Variants in ZNF713 observed in about 807,000 individuals in gnomAD.
The protein encoded by ZNF713 is zinc finger protein 713.
In ZNF713, 21 loss-of-function variants were observed where a neutral mutation model predicts 28.7. The ratio of observed to expected loss-of-function variants is 0.73; its 90% CI spans 0.52 to 1.05. The LOEUF (loss-of-function observed/expected upper bound fraction) is 1.05. Ranked by LOEUF, ZNF713 falls within the 50% of genes least tolerant of loss-of-function variation. The pLI is 0.00. For missense variants in ZNF713, 458 were observed against 532.4 expected, an observed-to-expected ratio of 0.86 and a Z score of 1.37; for synonymous variants, 167 against 178.0, an observed-to-expected ratio of 0.94 and a Z score of 0.49.
In ZNF713 at chr7:55,940,114, C is replaced by A; in HGVS notation, c.*108C>A. The A allele has an allele frequency of 6.9e-7, 1 of 1,448,298 alleles. No homozygotes were observed. The highest frequency in any genetic ancestry group is 9.0e-7 in the Non-Finnish European group (1 of 1,106,724). The allele number at this position is 1,448,298 out of a possible 1,614,324, so 89.7% of individuals were successfully genotyped here. The stretch of plus-strand genomic sequence containing the variant: ...ATTCATAGTGGAGAGAAAGCTTATA[C>A]ATAAATTTTTGTTTTGTTTTGTTTT... On this transcript the variant is annotated 3_prime_UTR_variant, in exon 7 of 7. Coordinates refer to ENST00000429591, the MANE Select transcript of ZNF713 (RefSeq NM_182633.3).
Position 55,912,632 on chromosome 7 carries a change from T to C in ZNF713, c.-2-3T>C. ...ATTAACAAGATGCTTCTCTTTTTCC[T>C]AGTTATGCCTTCTCAGAATGCTGTT... is the stretch of plus-strand genomic sequence containing the variant. On this transcript the variant is annotated splice_region_variant and splice_polypyrimidine_tract_variant and intron_variant, in intron 3 of 6. Coordinates refer to ENST00000429591, the MANE Select transcript of ZNF713 (RefSeq NM_182633.3). 1 of 1,604,676 alleles carries C rather than the reference T, an allele frequency of 6.2e-7. No homozygotes were observed. Among genetic ancestry groups the C allele is most frequent in the Non-Finnish European group, 8.5e-7 (1 of 1,173,792 alleles).
chr7:55,922,557 A>G (rs1384321355), intron 4 of ZNF713, among the ~76,000 whole-genome samples: 2 of 151,532 alleles, frequency 1.3e-5, no homozygotes, highest in Non-Finnish European at 2.9e-5. Context: ...AAAAAAAAGA[A>G]GTTGCCACAG....
At chr7:55,913,195 C>CTTTTTTT in intron 4 of ZNF713, among the ~76,000 whole-genome samples, 1 of 88,138 alleles carries the variant, frequency 1.1e-5, no homozygotes, top group Non-Finnish European at 2.0e-5. Context: ...GTTTTGATTC[C>CTTTTTTT]TTTTTTTTTT....
rs770352981 is a variant in ZNF713 at position 55,939,905 on chromosome 7, G to A, written c.1231G>A (p.Ala411Thr). 6.2e-7 allele frequency: 1 copy of A among 1,614,096 alleles called. No individual in the cohort carries two copies. The highest frequency in any genetic ancestry group is 8.5e-7 in the Non-Finnish European group (1 of 1,180,000). The stretch of plus-strand genomic sequence containing the variant: ...ATGCGGGAAAGCCTTTAGCCAGAGT[G>A]CACACCTTAATCAACACAGGAAAAT... ...NECGKAFSQS[A>T]HLNQHRKIHT... The change falls in exon 7 of 7, where the codon GCA becomes ACA. Residue 411 changes from alanine (A) to threonine (T), a missense_variant. Ala to Thr is a moderately conservative substitution (Grantham distance 58, BLOSUM62 0). Transcript: ENST00000429591.
At chr7:55,932,890 C>CAAAA (rs61092452) in intron 6 of ZNF713, among the ~76,000 whole-genome samples, 7,863 of 47,614 alleles carry the variant, frequency 0.17, 1,009 homozygotes, top group Non-Finnish European at 0.2. Context: ...GACTCCGTCT[C>CAAAA]AAAAAAAAAA....
chr7:55,892,277 C>CAG (rs1785394257), intron 1 of ZNF713, among the ~76,000 whole-genome samples: 1 of 60,502 alleles, frequency 1.7e-5, no homozygotes, highest in African/African-American at 7.0e-5. Context: ...GACTCCATCT[C>CAG]AAAAAAAAAA....
At position 55,939,931 on chromosome 7, in the gene ZNF713, C is replaced by G; in HGVS notation, c.1257C>G (p.Ile419Met). ...QSAHLNQHRK[I>M]HTREKLCEYK... The stretch of plus-strand genomic sequence containing the variant: ...CACACCTTAATCAACACAGGAAAAT[C>G]CATACTCGGGAGAAATTATGTGAAT... The change falls in exon 7 of 7, where the codon ATC becomes ATG. Residue 419 changes from isoleucine to methionine, a missense_variant. Coordinates refer to ENST00000429591, the MANE Select transcript of ZNF713 (RefSeq NM_182633.3). 2 of 1,613,412 alleles carry G rather than the reference C, an allele frequency of 1.2e-6. No homozygotes were observed. Among genetic ancestry groups the G allele is most frequent in the Non-Finnish European group, 1.7e-6 (2 of 1,179,670 alleles).
intron 1 of ZNF713, among the ~76,000 whole-genome samples, chr7:55,892,018 G>T (rs1406723151): frequency 1.3e-5 from 2 of 152,136 alleles, no homozygotes; most frequent in Non-Finnish European, 1.5e-5. Flanking sequence ...AATGGCTTAT[G>T]CCTGTAATCC....
At chr7:55,900,718 G>A (rs1785560400) in intron 1 of ZNF713, among the ~76,000 whole-genome samples, 1 of 152,196 alleles carries the variant, frequency 6.6e-6, no homozygotes, top group African/African-American at 2.4e-5. Context: ...AAGAGATGTT[G>A]ACCAAAGGGT....
chr7:55,904,428 A>C (rs1584301668), intron 1 of ZNF713, among the ~76,000 whole-genome samples: 1 of 45,968 alleles, frequency 2.2e-5, no homozygotes, highest in South Asian at 4.7e-4. Flanking sequence ...ACACCACTGC[A>C]CCCTAGCCAG....
Position 55,891,541 on chromosome 7 carries a change from CAAA to C in ZNF713, c.-583+3864_-583+3866del, listed in dbSNP as rs534560805. 2.3e-3 allele frequency among the ~76,000 whole-genome samples: 296 copies of C among 131,126 alleles called. 5 individuals carry two copies. Among genetic ancestry groups the C allele is most frequent in the Middle Eastern group, 4.1e-3 (1 of 244 alleles). The allele number at this position is 131,126 out of a possible 152,430, so 86.0% of individuals were successfully genotyped here. A position where few individuals can be genotyped will look rare whatever the true frequency, so the allele number is the denominator to read the frequency against. On this transcript the variant is annotated intron_variant, in intron 1 of 6. Transcript: ENST00000429591. ...ATAACAACAACAACAACAACAACAA[CAAA>C]AAGCCACACGTGGTGGTGCGCACCT...
intron 1 of ZNF713, among the ~76,000 whole-genome samples, chr7:55,900,050 A>G (rs886708241): frequency 6.6e-6 from 1 of 152,140 alleles, no homozygotes; most frequent in African/African-American, 2.4e-5. Context: ...GGACCTGAGT[A>G]TATATTCAAA....
chr7:55,912,790 A>G, intron 4 of ZNF713, 67 bp downstream of exon 4: 1 of 1,351,272 alleles, frequency 7.4e-7, no homozygotes, highest in East Asian at 2.3e-5. Context: ...TTACTTTTTC[A>G]TTTCTCAGAA....
At chr7:55,890,057 T>C (rs1221488862) in intron 1 of ZNF713, among the ~76,000 whole-genome samples, 1 of 152,204 alleles carries the variant, frequency 6.6e-6, no homozygotes, top group Admixed American at 6.5e-5. Flanking sequence ...TGTCCTCTTC[T>C]GCTGGCCTTT....
At chr7:55,908,573 C>T (rs1229853390) in intron 2 of ZNF713, among the ~76,000 whole-genome samples, 1 of 150,756 alleles carries the variant, frequency 6.6e-6, no homozygotes, top group African/African-American at 2.4e-5. Flanking sequence ...TCGTTGGCTG[C>T]TCGTATGTCC....
chr7:55,925,404 C>T (rs531905603), intron 6 of ZNF713, among the ~76,000 whole-genome samples: 5 of 152,010 alleles, frequency 3.3e-5, no homozygotes, highest in African/African-American at 4.8e-5. Flanking sequence ...GGGCAGATCA[C>T]GAGGTCAAGA....
intron 1 of ZNF713, among the ~76,000 whole-genome samples, chr7:55,888,190 T>C (rs1300356257): frequency 6.6e-6 from 1 of 152,124 alleles, no homozygotes; most frequent in Non-Finnish European, 1.5e-5. Context: ...GTTTAAAGAA[T>C]TTTTAAAATA....
At chr7:55,922,494 C>G (rs1786011230) in intron 4 of ZNF713, among the ~76,000 whole-genome samples, 1 of 150,208 alleles carries the variant, frequency 6.7e-6, no homozygotes, top group South Asian at 2.1e-4. Flanking sequence ...GCCGAGATTG[C>G]GGCACTGCAC....
In ZNF713 at chr7:55,899,432, AGGGGG is replaced by A. The variant is rs71015115; in HGVS notation, c.-582-6811_-582-6807del. On this transcript the variant is annotated intron_variant, in intron 1 of 6. Coordinates refer to ENST00000429591, the MANE Select transcript of ZNF713 (RefSeq NM_182633.3). Reference sequence around the variant, plus strand: ...GTAATCCCAGCACTTTGGGAGGCCGAGGGGGGGGGGGGGGTTGATCACAAGGTCAG... The same window carrying A: ...GTAATCCCAGCACTTTGGGAGGCCGAGGGGGGGGGTTGATCACAAGGTCAG... Among the ~76,000 whole-genome samples, 17 of 89,538 alleles carry A rather than the reference AGGGGG, an allele frequency of 1.9e-4. No homozygotes were observed. The East Asian group carries it at 2.6e-3, about 14-fold the overall frequency. 58.7% of individuals were successfully genotyped at this position (89,538 alleles called of 152,430 possible). A position where few individuals can be genotyped will look rare whatever the true frequency, so the allele number is the denominator to read the frequency against.
Sources: allele counts gnomAD v4.1 joint callset (sites outside exome capture counted in the v4.1 genomes callset), GRCh38; gene constraint gnomAD v4.1.1; transcripts MANE v1.5; gene names NCBI Gene and HGNC (gene_info 2026-07-23, HGNC 2026-07-21).